Variants in MAML3 observed in about 807,000 individuals in gnomAD.
MAML3 encodes the protein mastermind like transcriptional coactivator 3, also known as mastermind-like protein 3.
MAML3 carries 27 observed loss-of-function variants against 101.9 expected under a neutral mutation model. The observed-to-expected ratio is 0.27, with a 90% confidence interval of 0.20 to 0.37. The LOEUF (loss-of-function observed/expected upper bound fraction) is 0.37. Ranked by LOEUF, MAML3 falls within the 10% of genes least tolerant of loss-of-function variation. The pLI, the probability that MAML3 is intolerant of heterozygous loss-of-function variation, is 1.00. For missense variants in MAML3, 1,316 were observed against 1,444.9 expected, an observed-to-expected ratio of 0.91 and a Z score of 1.45; for synonymous variants, 501 against 555.9, an observed-to-expected ratio of 0.90 and a Z score of 1.39.
Position 139,937,627 on chromosome 4 carries a change from A to C in MAML3, c.469-46660T>G, listed in dbSNP as rs548131553. On this transcript the variant is annotated intron_variant, in intron 1 of 4. Transcript: ENST00000509479. ...GGTCTTGAACTCCTGGCCTCGAGTG[A>C]TCTGCCCGCCTCAGCCTCCCAAAGT... Among the ~76,000 whole-genome samples the C allele has an allele frequency of 3.3e-5, 5 of 152,204 alleles. No individual in the cohort carries two copies. In the East Asian group the frequency reaches 9.7e-4, roughly 29 times the overall value.
At position 139,997,057 on chromosome 4, in the gene MAML3, A is replaced by G. The variant is rs533760563; in HGVS notation, c.469-106090T>C. On this transcript the variant is annotated intron_variant, in intron 1 of 4. Coordinates refer to ENST00000509479, the MANE Select transcript of MAML3 (RefSeq NM_018717.5). ...GGTGACAGAGCAAGACTCCGTCTCA[A>G]GAAATAATAATAATAATAAATAAAA... Among the ~76,000 whole-genome samples, 4 of 150,822 alleles carry G rather than the reference A, an allele frequency of 2.7e-5. No homozygotes were observed. In the East Asian group the frequency reaches 7.8e-4, roughly 29 times the overall value.
Position 140,071,403 on chromosome 4 carries a change from C to G in MAML3, c.468+81457G>C, listed in dbSNP as rs79972277. On this transcript the variant is annotated intron_variant, in intron 1 of 4. Coordinates refer to ENST00000509479, the MANE Select transcript of MAML3 (RefSeq NM_018717.5). ...AAACCATCCAGGCACAGATACTTGC[C>G]CAGCTTTTTAATTTTACAGCTTTTA... Among the ~76,000 whole-genome samples the G allele has an allele frequency of 5.8e-3, 877 of 152,218 alleles. 9 individuals are homozygous for G. Among genetic ancestry groups the G allele is most frequent in the African/African-American group, 0.02 (829 of 41,530 alleles).
At chr4:139,989,902 AAGAG>A (rs1201147049) in intron 1 of MAML3, among the ~76,000 whole-genome samples, 7 of 130,048 alleles carry the variant, frequency 5.4e-5, no homozygotes, top group East Asian at 2.1e-4. Flanking sequence ...GAGAGAGAGA[AAGAG>A]AGAGAGAGAG....
At chr4:140,054,368 CAAA>C (rs1344234590) in intron 1 of MAML3, among the ~76,000 whole-genome samples, 5 of 69,018 alleles carry the variant, frequency 7.2e-5, no homozygotes, top group Middle Eastern at 9.4e-3. Context: ...GACTCCGTCT[CAAA>C]AAAAAAAAAA....
chr4:139,901,801 G>A (rs1187190320), intron 1 of MAML3, among the ~76,000 whole-genome samples: 1 of 152,214 alleles, frequency 6.6e-6, no homozygotes, highest in East Asian at 1.9e-4. Context: ...TTTCAGGGAG[G>A]CTGAGTATTT....
rs1307192668 is a variant in MAML3, at chr4:140,057,748, C to G, written c.468+95112G>C. On this transcript the variant is annotated intron_variant, in intron 1 of 4. Coordinates refer to ENST00000509479, the MANE Select transcript of MAML3 (RefSeq NM_018717.5). ...CTTTTTGATCTTGCATTCAAGGACCCCAAATACCATGTCTTCCAGGTCTCC... is the reference window on the plus strand; with the variant it reads ...CTTTTTGATCTTGCATTCAAGGACCGCAAATACCATGTCTTCCAGGTCTCC... Among the ~76,000 whole-genome samples, 3 of 152,204 alleles carry G rather than the reference C, an allele frequency of 2.0e-5. No homozygotes were observed. The East Asian group carries it at 5.8e-4, about 29-fold the overall frequency.
At chr4:140,073,888 C>T (rs1414078037) in intron 1 of MAML3, among the ~76,000 whole-genome samples, 3 of 151,910 alleles carry the variant, frequency 2.0e-5, no homozygotes, top group African/African-American at 7.3e-5. Context: ...AATCCCAGCA[C>T]TTTGGGAGGC....
intron 1 of MAML3, among the ~76,000 whole-genome samples, chr4:140,003,351 A>G (rs150071993): frequency 0.014 from 2,191 of 152,270 alleles, 88 homozygotes; most frequent in Admixed American, 0.086. Flanking sequence ...ATACTGGGAG[A>G]AAAGTACCTA....
intron 1 of MAML3, among the ~76,000 whole-genome samples, chr4:140,080,597 G>A (rs1404576646): frequency 2.0e-5 from 3 of 152,132 alleles, no homozygotes; most frequent in Non-Finnish European, 4.4e-5. Context: ...TAGGAAGTTT[G>A]CAGAGCACCT....
chr4:140,133,115 A>G (rs1394071482), intron 1 of MAML3: 2 of 445,456 alleles, frequency 4.5e-6, no homozygotes, highest in Non-Finnish European at 9.0e-6. Flanking sequence ...TGCCATATAC[A>G]TGGTAAATAT....
intron 1 of MAML3, among the ~76,000 whole-genome samples, chr4:140,126,334 G>A (rs754354146): frequency 2.6e-5 from 4 of 151,972 alleles, no homozygotes; most frequent in African/African-American, 9.7e-5. Flanking sequence ...TCTTCCATAC[G>A]TTTCATCCAC....
chr4:139,968,310 A>T (rs1467728403), intron 1 of MAML3, among the ~76,000 whole-genome samples: 3 of 117,816 alleles, frequency 2.5e-5, no homozygotes, highest in South Asian at 2.3e-4. Context: ...GCTCTGTCTT[A>T]AAAAAAAAAA....
Position 139,719,178 on chromosome 4 carries a change from TG to T in MAML3, c.*144del. ...CCTGGTGGGGCTGTGGATTGGCACC[TG>T]GATCTTCCATTGTCAGCCAGCTGCA... On this transcript the variant is annotated 3_prime_UTR_variant, in exon 5 of 5. Transcript: ENST00000509479. The T allele has an allele frequency of 1.1e-6, 1 of 915,376 alleles. No homozygotes were observed. Among genetic ancestry groups the T allele is most frequent in the Non-Finnish European group, 1.6e-6 (1 of 629,432 alleles). 56.7% of individuals were successfully genotyped at this position (915,376 alleles called of 1,614,324 possible).
intron 1 of MAML3, among the ~76,000 whole-genome samples, chr4:139,909,002 C>T (rs1732869712): frequency 6.6e-6 from 1 of 152,170 alleles, no homozygotes; most frequent in South Asian, 2.1e-4. Flanking sequence ...TCACATTTAG[C>T]AATTTCTTTT....
intron 2 of MAML3, 90 bp downstream of exon 2, chr4:139,889,267 A>G (rs1443756630): frequency 1.2e-6 from 2 of 1,609,784 alleles, no homozygotes; most frequent in Non-Finnish European, 1.7e-6. Flanking sequence ...ATTAGACCCC[A>G]CTACAGTGGA....
At chr4:139,764,107 G>A (rs1353270685) in intron 2 of MAML3, among the ~76,000 whole-genome samples, 2 of 152,186 alleles carry the variant, frequency 1.3e-5, no homozygotes, top group East Asian at 1.9e-4. Flanking sequence ...TGAGCAAACT[G>A]AAGTAGCAGT....
At chr4:139,796,528 A>G (rs992922179) in intron 2 of MAML3, among the ~76,000 whole-genome samples, 1 of 152,166 alleles carries the variant, frequency 6.6e-6, no homozygotes, top group Non-Finnish European at 1.5e-5. Flanking sequence ...AGGCTAGAGT[A>G]CCCTATCAGA....
intron 2 of MAML3, among the ~76,000 whole-genome samples, chr4:139,760,674 A>T (rs1397506311): frequency 6.6e-6 from 1 of 152,240 alleles, no homozygotes; most frequent in Non-Finnish European, 1.5e-5. Context: ...CTTAAGCTGC[A>T]GATTCAGGAA....
intron 2 of MAML3, chr4:139,888,661 A>T (rs1203749253): frequency 1.9e-6 from 1 of 518,930 alleles, no homozygotes; most frequent in Non-Finnish European, 3.8e-6. Context: ...GTGGGAAAGT[A>T]GAGACTTTAA....
Sources: gnomAD v4.1 joint callset for allele counts (sites outside exome capture counted in the v4.1 genomes callset) on GRCh38, gnomAD v4.1.1 for gene constraint, MANE v1.5 for transcripts, NCBI Gene and HGNC (gene_info 2026-07-23, HGNC 2026-07-21) for gene names.